PDE1C: variants seen among roughly 807,000 people sequenced by gnomAD.
PDE1C encodes the protein dual specificity calcium/calmodulin-dependent 3',5'-cyclic nucleotide phosphodiesterase 1C.
Under a neutral mutation model 93.1 loss-of-function variants are expected in PDE1C, and 62 were observed. The ratio of observed to expected loss-of-function variants is 0.67; its 90% CI spans 0.54 to 0.82. PDE1C has a LOEUF of 0.82. Ranked by LOEUF, PDE1C falls within the 40% of genes least tolerant of loss-of-function variation. The probability of loss-of-function intolerance (pLI) is 0.00; values close to 1 mark genes in which losing one functional copy is unlikely to be tolerated. For missense variants in PDE1C, 742 were observed against 884.6 expected, an observed-to-expected ratio of 0.84 and a Z score of 2.04; for synonymous variants, 325 against 310.1, an observed-to-expected ratio of 1.05 and a Z score of -0.50.
chr7:31,895,580 T>TTCTCTCTCTCTTTTCTC (rs1799192436), intron 2 of PDE1C, among the ~76,000 whole-genome samples: 1 of 144,818 alleles, frequency 6.9e-6, no homozygotes, highest in African/African-American at 2.6e-5. Flanking sequence ...TTTCTCTCTT[T>TTCTCTCTCTCTTTTCTC]TCTCTCTCTC....
chr7:31,954,261 C>G (rs964551366), intron 2 of PDE1C, among the ~76,000 whole-genome samples: 1 of 152,184 alleles, frequency 6.6e-6, no homozygotes, highest in Admixed American at 6.5e-5. Flanking sequence ...CCTTATCTCT[C>G]TCTTCCATCC....
intron 6 of PDE1C, among the ~76,000 whole-genome samples, chr7:31,870,134 T>C (rs1241720686): frequency 6.6e-6 from 1 of 151,924 alleles, no homozygotes; most frequent in Non-Finnish European, 1.5e-5. Flanking sequence ...TAGCAATAAA[T>C]GTGTACATCC....
At chr7:32,069,331 T>A (rs893117438) in intron 1 of PDE1C, among the ~76,000 whole-genome samples, 1 of 152,202 alleles carries the variant, frequency 6.6e-6, no homozygotes, top group Non-Finnish European at 1.5e-5. Context: ...AAGCTGGTTT[T>A]CCCATCAGTG....
chr7:31,933,022 G>C (rs765756016), intron 2 of PDE1C, among the ~76,000 whole-genome samples: 2 of 151,954 alleles, frequency 1.3e-5, no homozygotes, highest in Non-Finnish European at 2.9e-5. Context: ...TAATGAGAAT[G>C]AACGGGCACA....
intron 2 of PDE1C, among the ~76,000 whole-genome samples, chr7:32,032,784 A>G (rs540055386): frequency 2.3e-4 from 35 of 152,204 alleles, no homozygotes; most frequent in African/African-American, 7.2e-4. Flanking sequence ...TAACCGTTAG[A>G]CATGCAGAAT....
chr7:31,682,006 T>C, the PDE1C span, among the ~76,000 whole-genome samples: 1 of 152,196 alleles, frequency 6.6e-6, no homozygotes, highest in Non-Finnish European at 1.5e-5. Flanking sequence ...GTCAGTGGTT[T>C]AGAGCATGAA....
At chr7:32,327,769 CAA>C (rs34543961) in intron 1 of PDE1C, among the ~76,000 whole-genome samples, 65,940 of 105,044 alleles carry the variant, frequency 0.63, 19,201 homozygotes, top group East Asian at 0.73. Context: ...GACTCTGTCT[CAA>C]AAAAAAAAAA....
At chr7:32,418,429 G>T (rs561310949) in intron 1 of PDE1C, among the ~76,000 whole-genome samples, 1 of 152,288 alleles carries the variant, frequency 6.6e-6, no homozygotes, top group South Asian at 2.1e-4. Context: ...CATGAAGTAT[G>T]CCTGGCACAG....
At chr7:31,794,996 G>A (rs1785104008) in intron 16 of PDE1C, among the ~76,000 whole-genome samples, 1 of 151,818 alleles carries the variant, frequency 6.6e-6, no homozygotes, top group Admixed American at 6.6e-5. Context: ...ATGGCTCCAG[G>A]GCATAGAATA....
chr7:32,426,197 A>G (rs1285320118), intron 1 of PDE1C, among the ~76,000 whole-genome samples: 1 of 151,944 alleles, frequency 6.6e-6, no homozygotes, highest in African/African-American at 2.4e-5. Context: ...TACTATATTT[A>G]TGATTTGCAA....
chr7:31,735,786 A>C, the PDE1C span, among the ~76,000 whole-genome samples: 1 of 152,102 alleles, frequency 6.6e-6, no homozygotes, highest in African/African-American at 2.4e-5. Flanking sequence ...CCTTTGATAG[A>C]TTATAATTGC....
At chr7:32,207,897 G>A (rs1254417426) in intron 2 of PDE1C, among the ~76,000 whole-genome samples, 3 of 152,172 alleles carry the variant, frequency 2.0e-5, no homozygotes, top group South Asian at 2.1e-4. Flanking sequence ...ATGGGGGAAG[G>A]GGCACCCAGC....
chr7:32,298,461 G>C (rs1812768464), intron 1 of PDE1C, among the ~76,000 whole-genome samples: 2 of 152,196 alleles, frequency 1.3e-5, no homozygotes, highest in South Asian at 4.1e-4. Context: ...AGGGGTGCCG[G>C]GGGGGACAGC....
At chr7:31,744,976 T>C in the PDE1C span, among the ~76,000 whole-genome samples, 11 of 151,768 alleles carry the variant, frequency 7.2e-5, no homozygotes, top group Non-Finnish European at 1.3e-4. Flanking sequence ...AAGAGCAAAG[T>C]AGCTTTTTTT....
At chr7:32,051,486 G>C in intron 2 of PDE1C, 68 bp downstream of exon 2, 2 of 1,461,106 alleles carry the variant, frequency 1.4e-6, no homozygotes, top group Non-Finnish European at 1.9e-6. Context: ...AGTCCACCAT[G>C]AGCCAGACTT....
chr7:31,683,207 G>A, the PDE1C span, among the ~76,000 whole-genome samples: 1 of 152,142 alleles, frequency 6.6e-6, no homozygotes, highest in Non-Finnish European at 1.5e-5. Flanking sequence ...TTGTGCTGTA[G>A]TTTTACAAAA....
At chr7:32,072,736 T>C (rs2128729758), upstream of PDE1C, among the ~76,000 whole-genome samples, 1 of 152,304 alleles carries the variant, frequency 6.6e-6, no homozygotes, top group Non-Finnish European at 1.5e-5. Flanking sequence ...ATCATCCCCA[T>C]TTTACAGTAA....
chr7:32,029,459 A>T (rs1309109054), intron 2 of PDE1C, among the ~76,000 whole-genome samples: 1 of 152,148 alleles, frequency 6.6e-6, no homozygotes, highest in African/African-American at 2.4e-5. Context: ...CACTGTTTGG[A>T]AAAACAAAGA....
intron 11 of PDE1C, among the ~76,000 whole-genome samples, chr7:31,834,590 C>T (rs1790828326): frequency 1.3e-5 from 2 of 152,014 alleles, no homozygotes. Flanking sequence ...TTTGGACTTG[C>T]ATAGGCCCTG....
Sources: allele counts gnomAD v4.1 joint callset (sites outside exome capture counted in the v4.1 genomes callset), GRCh38; gene constraint gnomAD v4.1.1; transcripts MANE v1.5; gene names NCBI Gene and HGNC (gene_info 2026-07-23, HGNC 2026-07-21).